Variants in DIP2C observed in about 807,000 individuals in gnomAD.
DIP2C encodes DIP2 acetate--CoA ligase C (putative).
In DIP2C, 33 loss-of-function variants were observed where a neutral mutation model predicts 192.4. That is an observed-to-expected ratio of 0.17 (90% CI 0.13 to 0.23). The LOEUF (loss-of-function observed/expected upper bound fraction) is 0.23. Ranked by LOEUF, DIP2C falls within the 10% of genes least tolerant of loss-of-function variation. DIP2C has a pLI of 1.00. For synonymous variants in DIP2C, 979 were observed against 864.1 expected (o/e 1.13, Z -2.33); for missense variants, 1,537 against 2,110.1 (o/e 0.73, Z 5.32).
intron 1 of DIP2C, among the ~76,000 whole-genome samples, chr10:521,384 C>T (rs918162235): frequency 7.2e-5 from 11 of 152,076 alleles, no homozygotes; most frequent in African/African-American, 1.9e-4. Flanking sequence ...GAGAAGGCCT[C>T]AATGATAAGG....
chr10:568,784 A>AAC (rs1849600185), intron 1 of DIP2C, among the ~76,000 whole-genome samples: 1 of 145,518 alleles, frequency 6.9e-6, no homozygotes, highest in African/African-American at 2.5e-5. Flanking sequence ...AAAAAAAAAA[A>AAC]AAAAAAAAAA....
At chr10:528,692 C>T (rs747012669) in intron 1 of DIP2C, among the ~76,000 whole-genome samples, 3 of 152,204 alleles carry the variant, frequency 2.0e-5, no homozygotes, top group African/African-American at 4.8e-5. Flanking sequence ...TCCGGGAGCA[C>T]GTGCTTGGAT....
chr10:457,717 C>T (rs942723598), intron 3 of DIP2C, among the ~76,000 whole-genome samples: 14 of 151,162 alleles, frequency 9.3e-5, no homozygotes, highest in Admixed American at 1.3e-4. Flanking sequence ...CCACCACACC[C>T]GGCTAGTCTT....
At chr10:414,680 G>A (rs370701336) in intron 7 of DIP2C, among the ~76,000 whole-genome samples, 1 of 143,986 alleles carries the variant, frequency 6.9e-6, no homozygotes, top group Non-Finnish European at 1.5e-5. Flanking sequence ...GCACCACCAC[G>A]CCCAGCTAAT....
intron 17 of DIP2C, among the ~76,000 whole-genome samples, chr10:381,838 G>A (rs749180374): frequency 1.3e-5 from 2 of 152,270 alleles, no homozygotes; most frequent in East Asian, 1.9e-4. Flanking sequence ...GAGTATTGCC[G>A]TGGACATGCT....
At chr10:462,048 A>C (rs943179930) in intron 3 of DIP2C, among the ~76,000 whole-genome samples, 1 of 152,228 alleles carries the variant, frequency 6.6e-6, no homozygotes, top group African/African-American at 2.4e-5. Context: ...AGGGAAATTT[A>C]TAGCACTAAA....
chr10:555,614 G>C (rs1848810037), intron 1 of DIP2C, among the ~76,000 whole-genome samples: 1 of 152,194 alleles, frequency 6.6e-6, no homozygotes, highest in Non-Finnish European at 1.5e-5. Flanking sequence ...GTTGAGCCGT[G>C]TCTCTCAGGG....
At chr10:640,757 G>A (rs1290700430) in intron 1 of DIP2C, among the ~76,000 whole-genome samples, 7 of 145,372 alleles carry the variant, frequency 4.8e-5, no homozygotes, top group Admixed American at 3.4e-4. Flanking sequence ...GAGGGTGGGC[G>A]CCGGGAAGAG....
chr10:486,723 T>A (rs2133557573), intron 1 of DIP2C, among the ~76,000 whole-genome samples, 193 bp from the exon 2 acceptor site: 1 of 152,286 alleles, frequency 6.6e-6, no homozygotes, highest in South Asian at 2.1e-4. Context: ...AGCATGTAAG[T>A]CACTAAAACT....
intron 4 of DIP2C, among the ~76,000 whole-genome samples, chr10:424,950 A>G (rs528317371): frequency 2.2e-4 from 33 of 151,284 alleles, no homozygotes; most frequent in African/African-American, 6.3e-4. Context: ...AATATGACAC[A>G]GATGATACAG....
chr10:679,391 G>A (rs75457008), intron 1 of DIP2C, among the ~76,000 whole-genome samples: 3 of 14,164 alleles, frequency 2.1e-4, no homozygotes, highest in Admixed American at 1.1e-3. Flanking sequence ...CGTCCTCCCC[G>A]CGCCCATGCT....
chr10:593,170 G>T (rs573329851), intron 1 of DIP2C, among the ~76,000 whole-genome samples: 3 of 151,962 alleles, frequency 2.0e-5, no homozygotes, highest in Non-Finnish European at 4.4e-5. Flanking sequence ...CTTCCTGCAG[G>T]ACCAACCCCA....
intron 1 of DIP2C, among the ~76,000 whole-genome samples, chr10:623,664 G>A (rs1443589278): frequency 2.9e-5 from 3 of 103,378 alleles, no homozygotes; most frequent in African/African-American, 1.3e-4. Flanking sequence ...AAGAGGGGAG[G>A]GATGCAAGGC....
intron 10 of DIP2C, among the ~76,000 whole-genome samples, chr10:391,148 G>C (rs904206365): frequency 6.6e-5 from 10 of 152,166 alleles, no homozygotes; most frequent in Admixed American, 5.9e-4. Flanking sequence ...GCGTTCAGCG[G>C]GTCGCGTTAA....
At chr10:523,372 T>C (rs113888331) in intron 1 of DIP2C, among the ~76,000 whole-genome samples, 19 of 136,064 alleles carry the variant, frequency 1.4e-4, no homozygotes, top group East Asian at 2.3e-4. Context: ...AGGGACTCTG[T>C]GTCACCCACA....
At chr10:579,935 A>G (rs532796958) in intron 1 of DIP2C, among the ~76,000 whole-genome samples, 3 of 151,794 alleles carry the variant, frequency 2.0e-5, no homozygotes, top group East Asian at 3.9e-4. Context: ...TAGGTACACT[A>G]TAACATGTAT....
At chr10:385,238 G>A (rs1962794081) in intron 14 of DIP2C, among the ~76,000 whole-genome samples, 1 of 152,202 alleles carries the variant, frequency 6.6e-6, no homozygotes, top group Non-Finnish European at 1.5e-5. Flanking sequence ...GACCCTGGAG[G>A]CTCCTCAGTG....
rs147224753 is a variant in DIP2C, at chr10:324,993, T to C, written c.3924+2013A>G. 3,088 of 528,206 alleles carry C rather than the reference T, an allele frequency of 5.8e-3. 73 individuals are homozygous for C. The highest frequency in any genetic ancestry group is 0.053 in the African/African-American group (2,732 of 52,022). The allele number at this position is 528,206 out of a possible 1,614,324, so 32.7% of individuals were successfully genotyped here. A position where few individuals can be genotyped will look rare whatever the true frequency, so the allele number is the denominator to read the frequency against. ...TCTTAAAACATTTTGGGGCTGGGCG[T>C]GGTGGCTCATGCCTGTAATCCCAGC... On this transcript the variant is annotated intron_variant, in intron 31 of 36. Transcript: ENST00000280886.
chr10:412,644 T>C (rs1965263115), intron 8 of DIP2C, among the ~76,000 whole-genome samples: 3 of 152,176 alleles, frequency 2.0e-5, no homozygotes, highest in Non-Finnish European at 4.4e-5. Context: ...TGTCCTGAGA[T>C]GCACAGGTTG....
Sources: allele counts gnomAD v4.1 joint callset (sites outside exome capture counted in the v4.1 genomes callset), GRCh38; gene constraint gnomAD v4.1.1; transcripts MANE v1.5; gene names NCBI Gene and HGNC (gene_info 2026-07-23, HGNC 2026-07-21).